The following CCDC82 variants were observed in gnomAD, a reference collection of about 807,000 sequenced individuals.
The protein encoded by CCDC82 is coiled-coil domain-containing protein 82.
A neutral mutation model predicts 60.6 loss-of-function variants in CCDC82; 47 were observed. The observed-to-expected ratio is 0.77, with a 90% CI of 0.61 to 0.99. The LOEUF (loss-of-function observed/expected upper bound fraction) is 0.99, where lower values mean the gene tolerates loss of function less well. CCDC82 is among the 50% of genes least tolerant of loss of function. CCDC82 has a pLI of 0.00. For synonymous variants in CCDC82, 212 were observed against 207.4 expected (o/e 1.02, Z -0.19); for missense variants, 588 against 633.0 (o/e 0.93, Z 0.76).
At chr11:96,377,890 T>G (rs1865674932) in intron 5 of CCDC82, among the ~76,000 whole-genome samples, 2 of 152,112 alleles carry the variant, frequency 1.3e-5, no homozygotes, top group African/African-American at 4.8e-5. Flanking sequence ...ACCTCAAGAA[T>G]ACTTTCTTCT....
intron 6 of CCDC82, among the ~76,000 whole-genome samples, chr11:96,371,745 G>A (rs778647178): frequency 6.6e-6 from 1 of 152,158 alleles, no homozygotes; most frequent in Non-Finnish European, 1.5e-5. Context: ...AGGCTTTCAA[G>A]GCCGTCTACA....
At chr11:96,388,390 C>T (rs1367491178) in intron 1 of CCDC82, 1 of 151,986 alleles carries the variant, frequency 6.6e-6, no homozygotes, top group African/African-American at 2.4e-5. Flanking sequence ...TACCTTTAAG[C>T]AAAGAGAAAA....
intron 9 of CCDC82, chr11:96,358,766 CT>C: frequency 1.1e-6 from 1 of 900,188 alleles, no homozygotes; most frequent in Non-Finnish European, 1.6e-6. Context: ...AGTGTTAATG[CT>C]TATTAAAATT....
At chr11:96,362,471 GC>G (rs1407216503) in intron 8 of CCDC82, among the ~76,000 whole-genome samples, 1 of 152,058 alleles carries the variant, frequency 6.6e-6, no homozygotes, top group East Asian at 1.9e-4. Context: ...AATGCCATTT[GC>G]CTCAAAAATT....
chr11:96,365,648 C>T lies in CCDC82; in HGVS notation c.1210-498G>A, dbSNP rs141788085. Among the ~76,000 whole-genome samples the T allele has an allele frequency of 2.0e-5, 3 of 152,238 alleles. No individual in the cohort carries two copies. In the East Asian group the frequency reaches 5.8e-4, roughly 29 times the overall value. ...ACTTACTACAGTCCTGGGGAAAAAA[C>T]AAGTTGGCACTAGGACTGCCACGTG... On this transcript the variant is annotated intron_variant, in intron 7 of 9. Transcript: ENST00000646818.
chr11:96,370,695 C>G (rs1289784439), intron 7 of CCDC82, among the ~76,000 whole-genome samples: 1 of 152,184 alleles, frequency 6.6e-6, no homozygotes, highest in Non-Finnish European at 1.5e-5. Context: ...CCCTGATTCT[C>G]AAATTTCTTT....
chr11:96,373,543 A>G, intron 5 of CCDC82, 76 bp from the exon 6 acceptor site: 1 of 813,138 alleles, frequency 1.2e-6, no homozygotes, highest in Non-Finnish European at 2.0e-6. Context: ...TCCATTCTCC[A>G]CTGCTAAGAA....
chr11:96,372,998 C>T (rs1210008545), intron 6 of CCDC82, among the ~76,000 whole-genome samples: 1 of 151,978 alleles, frequency 6.6e-6, no homozygotes, highest in Non-Finnish European at 1.5e-5. Flanking sequence ...TAAGAAGAAA[C>T]AGCATGGACA....
chr11:96,356,723 C>T, intron 9 of CCDC82: 3 of 971,204 alleles, frequency 3.1e-6, no homozygotes, highest in Non-Finnish European at 3.7e-6. Context: ...GCTCCTACAC[C>T]CCTTTAGTAT....
At chr11:96,366,600 G>C (rs955828317) in intron 7 of CCDC82, among the ~76,000 whole-genome samples, 4 of 152,110 alleles carry the variant, frequency 2.6e-5, no homozygotes, top group African/African-American at 9.7e-5. Context: ...GGAAATAATA[G>C]TGCCCTCCAG....
Position 96,383,970 on chromosome 11 carries a change from C to G in CCDC82, c.778G>C (p.Asp260His), listed in dbSNP as rs769319229. The G allele has an allele frequency of 1.9e-6, 3 of 1,606,504 alleles. No homozygotes were observed. The highest frequency in any genetic ancestry group is 8.5e-7 in the Non-Finnish European group (1 of 1,177,228). The change falls in exon 4 of 10, where the codon GAT (aspartate) becomes CAT (histidine). Residue 260 changes from aspartate (D) to histidine (H), a missense_variant. By Grantham distance (81) the Asp-to-His change is moderately conservative. Transcript: ENST00000646818. ...RSRQRRSSGR[D>H]FEDSEKESCP... is the part of the protein sequence containing the mutation. ...AACAAAATATAACACACCTCAAAATCTCTACCACTACTGCGTCTCTGACGA... is the reference window on the plus strand; with the variant it reads ...AACAAAATATAACACACCTCAAAATGTCTACCACTACTGCGTCTCTGACGA...
At chr11:96,359,642 TA>T (rs139619843) in intron 8 of CCDC82, among the ~76,000 whole-genome samples, 1,191 of 81,326 alleles carry the variant, frequency 0.015, 15 homozygotes, top group East Asian at 0.061. Flanking sequence ...ATGGGCAAAG[TA>T]AAAAAAAAAA....
intron 5 of CCDC82, among the ~76,000 whole-genome samples, chr11:96,380,136 T>C (rs1441528556): frequency 1.3e-5 from 2 of 151,706 alleles, no homozygotes; most frequent in Non-Finnish European, 3.0e-5. Context: ...TATCAATAAC[T>C]TCAGTAAGAA....
At chr11:96,358,153 C>A (rs1441923356) in intron 9 of CCDC82, 1 of 987,488 alleles carries the variant, frequency 1.0e-6, no homozygotes, top group African/African-American at 1.7e-5. Flanking sequence ...ATAGTCCAGG[C>A]AATGGATCTC....
chr11:96,369,306 ACTGT>A (rs1363898702), intron 7 of CCDC82, among the ~76,000 whole-genome samples: 2 of 152,242 alleles, frequency 1.3e-5, no homozygotes, highest in Admixed American at 1.3e-4. Flanking sequence ...AACTTGACTA[ACTGT>A]CTGGCACAAG....
intron 7 of CCDC82, among the ~76,000 whole-genome samples, chr11:96,366,418 G>T (rs528205474): frequency 6.6e-6 from 1 of 152,270 alleles, no homozygotes; most frequent in East Asian, 1.9e-4. Context: ...CCCAACATCA[G>T]ATTATCCAAA....
chr11:96,383,725 A>G (rs796928489), intron 4 of CCDC82, among the ~76,000 whole-genome samples: 9 of 152,142 alleles, frequency 5.9e-5, no homozygotes, highest in African/African-American at 2.2e-4. Context: ...TAAAAACAAG[A>G]AAGATCATAT....
chr11:96,370,372 A>T (rs1865197146), intron 7 of CCDC82, among the ~76,000 whole-genome samples: 1 of 152,236 alleles, frequency 6.6e-6, no homozygotes, highest in Non-Finnish European at 1.5e-5. Context: ...AAAATAGATA[A>T]CTGGTACATG....
At chr11:96,382,373 T>C (rs1030843991) in intron 5 of CCDC82, 2 of 151,844 alleles carry the variant, frequency 1.3e-5, no homozygotes, top group Non-Finnish European at 1.5e-5. Flanking sequence ...AAAACTTGTA[T>C]GTGCTATTCT....
Sources: allele counts gnomAD v4.1 joint callset (sites outside exome capture counted in the v4.1 genomes callset), GRCh38; gene constraint gnomAD v4.1.1; transcripts MANE v1.5; gene names NCBI Gene and HGNC (gene_info 2026-07-23, HGNC 2026-07-21).